The following GALNT5 variants were observed in gnomAD, a reference collection of about 807,000 sequenced individuals.
GALNT5 encodes UDP-GalNAc:polypeptide N-acetylgalactosaminyltransferase 5.
In GALNT5, 72 loss-of-function variants were observed where a neutral mutation model predicts 85.4. The ratio of observed to expected loss-of-function variants is 0.84; its 90% CI spans 0.70 to 1.03. The LOEUF is 1.03. GALNT5 is among the 50% of genes least tolerant of loss of function. The pLI is 0.00. For missense variants in GALNT5, 1,137 were observed against 1,135.5 expected (o/e 1.00, Z -0.02); for synonymous variants, 404 against 397.0 (o/e 1.02, Z -0.21).
chr2:157,311,203 T>C lies in GALNT5; in HGVS notation c.2683-5T>C. ...GGCTCATTCCCAGCTCTTCTTTCTC[T>C]CCAGGTGAATCACATTGTTTTTGAA... On this transcript the variant is annotated splice_region_variant and splice_polypyrimidine_tract_variant and intron_variant, in intron 9 of 9. Transcript: ENST00000259056. The C allele has an allele frequency of 6.2e-7, 1 of 1,607,394 alleles. No individual in the cohort carries two copies. The highest frequency in any genetic ancestry group is 8.5e-7 in the Non-Finnish European group (1 of 1,175,790).
intron 1 of GALNT5, among the ~76,000 whole-genome samples, chr2:157,268,576 C>G (rs966198298): frequency 6.6e-6 from 1 of 152,166 alleles, no homozygotes; most frequent in Non-Finnish European, 1.5e-5. Flanking sequence ...AACTAAGGTT[C>G]TAGGGGCCTA....
In GALNT5 at chr2:157,286,046, G is replaced by T. The variant is rs1386457174; in HGVS notation, c.1653G>T (p.Met551Ile). The T allele has an allele frequency of 6.2e-7, 1 of 1,601,776 alleles. No individual in the cohort carries two copies. The highest frequency in any genetic ancestry group is 1.7e-5 in the Admixed American group (1 of 60,000). ...DYLKDNLDKY[M>I]SQFPKVRILR... Reference sequence around the variant, plus strand: ...TAAAAGATAATTTGGATAAATACATGTCCCAGTTTCCAAAAGTTCGGATTC... The same window carrying T: ...TAAAAGATAATTTGGATAAATACATTTCCCAGTTTCCAAAAGTTCGGATTC... The change falls in exon 3 of 10, where the codon ATG becomes ATT. Residue 551 changes from methionine to isoleucine, a missense_variant. Coordinates refer to ENST00000259056, the MANE Select transcript of GALNT5 (RefSeq NM_014568.3).
intron 5 of GALNT5, among the ~76,000 whole-genome samples, chr2:157,297,315 G>C (rs1253231348): frequency 1.3e-5 from 2 of 152,260 alleles, no homozygotes; most frequent in East Asian, 3.9e-4. Context: ...ATTCCACCAA[G>C]CAAAGAAGTG....
chr2:157,263,413 A>G (rs889297517), intron 1 of GALNT5, among the ~76,000 whole-genome samples: 4 of 152,166 alleles, frequency 2.6e-5, no homozygotes, highest in African/African-American at 9.7e-5. Flanking sequence ...TGTTGCTCAG[A>G]ATCCAACTGT....
intron 1 of GALNT5, among the ~76,000 whole-genome samples, chr2:157,279,789 C>T (rs568246316): frequency 6.6e-6 from 1 of 152,188 alleles, no homozygotes; most frequent in African/African-American, 2.4e-5. Flanking sequence ...GAGGTGATGC[C>T]CCAACCTGCT....
intron 1 of GALNT5, among the ~76,000 whole-genome samples, chr2:157,279,328 C>T (rs1682806923): frequency 6.6e-6 from 1 of 152,214 alleles, no homozygotes; most frequent in South Asian, 2.1e-4. Context: ...GCTCAAACGC[C>T]GTGCTGGGAG....
At chr2:157,303,668 T>G (rs1683395369) in intron 7 of GALNT5, among the ~76,000 whole-genome samples, 1 of 152,160 alleles carries the variant, frequency 6.6e-6, no homozygotes, top group South Asian at 2.1e-4. Context: ...AAAAGTACCT[T>G]CCATGGCAAA....
chr2:157,265,582 A>T (rs1053637853), intron 1 of GALNT5, among the ~76,000 whole-genome samples: 1 of 152,246 alleles, frequency 6.6e-6, no homozygotes, highest in African/African-American at 2.4e-5. Flanking sequence ...ATACTTTTTC[A>T]TATACGGAAC....
chr2:157,299,539 T>C lies in GALNT5; in HGVS notation c.1998-9T>C. ...TGCAAGTTTAAAAAACAAACTTTTC[T>C]TTTTGTAGGTGCCCTGTCATGGCTG... On this transcript the variant is annotated splice_polypyrimidine_tract_variant and intron_variant, in intron 5 of 9. Transcript: ENST00000259056. The C allele has an allele frequency of 6.4e-7, 1 of 1,552,418 alleles. No individual in the cohort carries two copies. Among genetic ancestry groups the C allele is most frequent in the African/African-American group, 1.4e-5 (1 of 73,020 alleles).
At chr2:157,289,146 GCA>G (rs10542634) in intron 3 of GALNT5, among the ~76,000 whole-genome samples, 20,113 of 152,140 alleles carry the variant, frequency 0.13, 2,745 homozygotes, top group African/African-American at 0.35. Flanking sequence ...CCTGCACGGA[GCA>G]CAGAGTATGC....
At chr2:157,295,908 A>G in intron 4 of GALNT5, 110 bp downstream of exon 4, 1 of 754,020 alleles carries the variant, frequency 1.3e-6, no homozygotes, top group Non-Finnish European at 2.2e-6. Flanking sequence ...TCCAAGACAT[A>G]TACAGTTTAT....
Position 157,267,340 on chromosome 2 carries a change from C to T in GALNT5, c.1454+7804C>T, listed in dbSNP as rs561622754. ...GTTCTTCCAAGGGCCAGTGGGAAAC[C>T]GTTAAATGATTTAAGACCATAGAAA... On this transcript the variant is annotated intron_variant, in intron 1 of 9. Transcript: ENST00000259056. Among the ~76,000 whole-genome samples, 6 of 152,216 alleles carry T rather than the reference C, an allele frequency of 3.9e-5. No individual in the cohort carries two copies. The South Asian group carries it at 8.3e-4, about 21-fold the overall frequency.
chr2:157,274,616 A>G (rs1266797996), intron 1 of GALNT5, among the ~76,000 whole-genome samples: 1 of 152,180 alleles, frequency 6.6e-6, no homozygotes, highest in Admixed American at 6.5e-5. Context: ...TGTTGGCTGC[A>G]TAAATGTCTT....
chr2:157,274,139 A>G (rs549333240), intron 1 of GALNT5, among the ~76,000 whole-genome samples: 2 of 152,268 alleles, frequency 1.3e-5, no homozygotes, highest in Admixed American at 6.5e-5. Context: ...CCATGTACCT[A>G]CAAAGGACAT....
In GALNT5 at chr2:157,262,634, A is replaced by AAAC. The variant is rs201143254; in HGVS notation, c.1454+3125_1454+3127dup. On this transcript the variant is annotated intron_variant, in intron 1 of 9. Transcript: ENST00000259056. ...TGACAGAATAAGACCTTGTCTCAGA[A>AAAC]AACAACAACAACAACAACAACAACA... Among the ~76,000 whole-genome samples, 294 of 137,030 alleles carry AAAC rather than the reference A, an allele frequency of 2.1e-3. 3 individuals are homozygous for AAAC. Among genetic ancestry groups the AAAC allele is most frequent in the Middle Eastern group, 3.6e-3 (1 of 276 alleles). 89.9% of individuals were successfully genotyped at this position (137,030 alleles called of 152,430 possible). A position where few individuals can be genotyped will look rare whatever the true frequency, so the allele number is the denominator to read the frequency against.
intron 5 of GALNT5, among the ~76,000 whole-genome samples, chr2:157,298,354 A>G (rs563197561): frequency 5.3e-5 from 8 of 152,266 alleles, no homozygotes; most frequent in African/African-American, 1.9e-4. Flanking sequence ...CCCGAGTAAC[A>G]AAGGATCAAC....
At position 157,305,842 on chromosome 2, in the gene GALNT5, GT is replaced by G; in HGVS notation, c.2520+17del. 1 of 1,483,538 alleles carries G rather than the reference GT, an allele frequency of 6.7e-7. No individual in the cohort carries two copies. The highest frequency in any genetic ancestry group is 9.4e-7 in the Non-Finnish European group (1 of 1,061,464). 91.9% of individuals were successfully genotyped at this position (1,483,538 alleles called of 1,614,324 possible). A position where few individuals can be genotyped will look rare whatever the true frequency, so the allele number is the denominator to read the frequency against. ...TGGGAGCAAAGAGGTATGCTAAACT[GT>G]TTTCTATCTCATGGTAGCTGATAGG... On this transcript the variant is annotated intron_variant, in intron 8 of 9. Coordinates refer to ENST00000259056, the MANE Select transcript of GALNT5 (RefSeq NM_014568.3).
intron 6 of GALNT5, among the ~76,000 whole-genome samples, chr2:157,300,211 T>A (rs1683309363): frequency 4.6e-5 from 7 of 152,194 alleles, no homozygotes. Context: ...GTAATTGCTT[T>A]CCTATTGGGT....
chr2:157,311,586 C>A lies in GALNT5; in HGVS notation c.*238C>A. On this transcript the variant is annotated 3_prime_UTR_variant, in exon 10 of 10. Transcript: ENST00000259056. ...GCCTTTGAATTGCCTGCTTTCCACC[C>A]TATGCTAGACCTCATCATGCAAATT... is the stretch of plus-strand genomic sequence containing the variant. The A allele has an allele frequency of 2.6e-6, 1 of 383,372 alleles. No homozygotes were observed. The highest frequency in any genetic ancestry group is 4.7e-6 in the Non-Finnish European group (1 of 213,756). The allele number at this position is 383,372 out of a possible 1,614,324, so 23.7% of individuals were successfully genotyped here. A position where few individuals can be genotyped will look rare whatever the true frequency, so the allele number is the denominator to read the frequency against.
Sources: gnomAD v4.1 joint callset for allele counts (sites outside exome capture counted in the v4.1 genomes callset) on GRCh38, gnomAD v4.1.1 for gene constraint, MANE v1.5 for transcripts, NCBI Gene and HGNC (gene_info 2026-07-23, HGNC 2026-07-21) for gene names.